Variants in PPP6R3 observed in about 807,000 individuals in gnomAD.
The protein encoded by PPP6R3 is serine/threonine-protein phosphatase 6 regulatory subunit 3.
PPP6R3 carries 38 observed loss-of-function variants against 110.7 expected under a neutral mutation model. The observed-to-expected ratio is 0.34, with a 90% CI of 0.26 to 0.45. The LOEUF is 0.45. Among genes scored for constraint, PPP6R3 ranks in the 20% least tolerant of loss-of-function variants. The pLI, the probability that PPP6R3 is intolerant of heterozygous loss-of-function variation, is 1.00. For missense variants in PPP6R3, 870 were observed against 1,062.4 expected, an observed-to-expected ratio of 0.82 and a Z score of 2.52; for synonymous variants, 369 against 373.5, an observed-to-expected ratio of 0.99 and a Z score of 0.14.
intron 14 of PPP6R3, among the ~76,000 whole-genome samples, chr11:68,578,521 A>G (rs2099540661): frequency 6.6e-6 from 1 of 152,224 alleles, no homozygotes; most frequent in Non-Finnish European, 1.5e-5. Context: ...CATTTCAGGT[A>G]TATTCATAGA....
chr11:68,505,403 A>G (rs1027714586), intron 1 of PPP6R3: 1 of 152,488 alleles, frequency 6.6e-6, no homozygotes, highest in African/African-American at 2.4e-5. Flanking sequence ...GTTAAGACCT[A>G]GAAGATGAGA....
At chr11:68,471,620 G>A (rs2098792765) in intron 1 of PPP6R3, among the ~76,000 whole-genome samples, 1 of 152,186 alleles carries the variant, frequency 6.6e-6, no homozygotes, top group Non-Finnish European at 1.5e-5. Context: ...GAAGAGAAAG[G>A]CAAGTAGAGC....
intron 1 of PPP6R3, among the ~76,000 whole-genome samples, chr11:68,489,309 T>TA (rs2098968535): frequency 6.6e-6 from 1 of 152,228 alleles, no homozygotes; most frequent in Non-Finnish European, 1.5e-5. Flanking sequence ...TTTTGTCACA[T>TA]ACACTTTTTC....
At position 68,496,841 on chromosome 11, in the gene PPP6R3, C is replaced by A. The variant is rs571288021; in HGVS notation, c.-157-22660C>A. 9.7e-5 allele frequency among the ~76,000 whole-genome samples: 14 copies of A among 144,590 alleles called. No homozygotes were observed. The South Asian group carries it at 3.1e-3, about 32-fold the overall frequency. 94.9% of individuals were successfully genotyped at this position (144,590 alleles called of 152,430 possible). A position where few individuals can be genotyped will look rare whatever the true frequency, so the allele number is the denominator to read the frequency against. ...AAGTTGTAGGAGTTTCTTAATTATT[C>A]CATATTCTTGTCTTTTTTTTTTTTT... On this transcript the variant is annotated intron_variant, in intron 1 of 23. Transcript: ENST00000393800.
chr11:68,577,672 C>G (rs1339396457), intron 14 of PPP6R3, among the ~76,000 whole-genome samples: 2 of 152,182 alleles, frequency 1.3e-5, no homozygotes, highest in African/African-American at 2.4e-5. Context: ...CAGATCTGCT[C>G]TGGGATTGTG....
At chr11:68,584,416 A>G (rs1483516876) in intron 15 of PPP6R3, among the ~76,000 whole-genome samples, 1 of 152,224 alleles carries the variant, frequency 6.6e-6, no homozygotes, top group Non-Finnish European at 1.5e-5. Context: ...CCAGTTGGCC[A>G]TGAACCTGAG....
chr11:68,549,862 G>T (rs146131407), intron 5 of PPP6R3, among the ~76,000 whole-genome samples: 1 of 152,280 alleles, frequency 6.6e-6, no homozygotes, highest in African/African-American at 2.4e-5. Context: ...TTTTGATTTT[G>T]TGGATCCACA....
rs67739319 is a variant in PPP6R3, at chr11:68,506,414, CAAAAAAAAAAAAAAAAAA to C, written c.-157-13070_-157-13053del. 9.7e-3 allele frequency among the ~76,000 whole-genome samples: 446 copies of C among 46,150 alleles called. 13 individuals carry two copies. The East Asian group carries it at 0.18, about 18-fold the overall frequency. The allele number at this position is 46,150 out of a possible 152,430, so 30.3% of individuals were successfully genotyped here. ...ACTGCTGCACCCAGCCCTTTATACT[CAAAAAAAAAAAAAAAAAA>C]AAAAAAAAAAAAAAAATTCCTAACT... On this transcript the variant is annotated intron_variant, in intron 1 of 23. Transcript: ENST00000393800.
intron 13 of PPP6R3, among the ~76,000 whole-genome samples, 170 bp downstream of exon 13, chr11:68,574,394 T>G (rs1400187464): frequency 6.6e-6 from 1 of 152,204 alleles, no homozygotes; most frequent in Non-Finnish European, 1.5e-5. Flanking sequence ...ACAGTGTTGT[T>G]TTTTGGTTGT....
intron 5 of PPP6R3, among the ~76,000 whole-genome samples, chr11:68,549,587 T>C (rs2099362891): frequency 6.6e-6 from 1 of 152,180 alleles, no homozygotes; most frequent in Admixed American, 6.5e-5. Flanking sequence ...TCTTTGTAGA[T>C]GTATCTTTTC....
chr11:68,567,201 G>A, intron 10 of PPP6R3, 35 bp downstream of exon 10: 1 of 1,499,352 alleles, frequency 6.7e-7, no homozygotes, highest in Non-Finnish European at 8.9e-7. Context: ...ATTTTAATTT[G>A]CCATTGATAT....
intron 1 of PPP6R3, among the ~76,000 whole-genome samples, chr11:68,468,957 A>C (rs980632631): frequency 1.3e-5 from 2 of 152,212 alleles, no homozygotes; most frequent in African/African-American, 4.8e-5. Context: ...AGTGTGGATA[A>C]TCACATACGC....
At position 68,548,199 on chromosome 11, in the gene PPP6R3, C is replaced by G. The variant is rs757171665; in HGVS notation, c.547C>G (p.Leu183Val). Residue 183 changes from leucine (L) to valine (V), a missense_variant, in exon 5 of 24, where the codon CTG becomes GTG. By Grantham distance (32) the Leu-to-Val change is conservative. Coordinates refer to ENST00000393800, the MANE Select transcript of PPP6R3 (RefSeq NM_001164161.2). ...IEPPQPRQDV[L>V]NWLNEEKIIQ... ...ACCTCCACAGCCCAGGCAAGATGTG[C>G]TGAATGTGAGTAGAATTCTGACCTG... The G allele has an allele frequency of 6.2e-7, 1 of 1,613,886 alleles. No individual in the cohort carries two copies. The highest frequency in any genetic ancestry group is 8.5e-7 in the Non-Finnish European group (1 of 1,179,918).
chr11:68,478,646 A>ATTT (rs1565292839), intron 1 of PPP6R3, among the ~76,000 whole-genome samples: 2 of 10,764 alleles, frequency 1.9e-4, no homozygotes, highest in South Asian at 3.5e-3. Context: ...GCACTTGGTA[A>ATTT]GTTTTTTTTT....
At chr11:68,477,741 A>AATATATATATATATATATATATATAT (rs1179617745) in intron 1 of PPP6R3, among the ~76,000 whole-genome samples, 4 of 57,894 alleles carry the variant, frequency 6.9e-5, no homozygotes, top group Admixed American at 2.0e-4. Context: ...AAAAAAAAAA[A>AATATATATATATATATATATATATAT]ATATATATAT....
chr11:68,517,973 A>G (rs369893056), intron 1 of PPP6R3, among the ~76,000 whole-genome samples: 2 of 151,954 alleles, frequency 1.3e-5, no homozygotes, highest in Middle Eastern at 3.2e-3. Context: ...ATACGAATCT[A>G]TGAGTCCATA....
intron 2 of PPP6R3, among the ~76,000 whole-genome samples, chr11:68,523,695 C>T (rs1487974081): frequency 8.6e-6 from 1 of 116,482 alleles, no homozygotes; most frequent in Non-Finnish European, 1.8e-5. Context: ...TATTTCCTAC[C>T]CATGCCCCCC....
At chr11:68,583,297 AG>A (rs2099568462) in intron 15 of PPP6R3, among the ~76,000 whole-genome samples, 168 bp downstream of exon 15, 1 of 152,250 alleles carries the variant, frequency 6.6e-6, no homozygotes, top group African/African-American at 2.4e-5. Flanking sequence ...AATGAAAGAT[AG>A]ATTTGTATTG....
chr11:68,552,289 C>T (rs75334853), intron 6 of PPP6R3, among the ~76,000 whole-genome samples: 8,425 of 152,220 alleles, frequency 0.055, 245 homozygotes, highest in Middle Eastern at 0.13. Flanking sequence ...GATGGGAGAG[C>T]GAGCACAGCA....
Sources: gnomAD v4.1 joint callset for allele counts (sites outside exome capture counted in the v4.1 genomes callset) on GRCh38, gnomAD v4.1.1 for gene constraint, MANE v1.5 for transcripts, NCBI Gene and HGNC (gene_info 2026-07-23, HGNC 2026-07-21) for gene names.